Variants in CLIC5 observed in about 807,000 individuals in gnomAD.
CLIC5 encodes the protein CLIC family member 5.
Under a neutral mutation model 24.7 loss-of-function variants are expected in CLIC5, and 20 were observed. The ratio of observed to expected loss-of-function variants is 0.81; its 90% CI spans 0.57 to 1.18. CLIC5 has a LOEUF of 1.18. Among genes scored for constraint, CLIC5 ranks in the 50% most tolerant of loss-of-function variants. The pLI is 0.00. For missense variants in CLIC5, 341 were observed against 326.1 expected (o/e 1.05, Z -0.35); for synonymous variants, 159 against 135.6 (o/e 1.17, Z -1.20).
chr6:45,955,235 C>T lies in CLIC5; in HGVS notation c.73G>A (p.Asp25Asn), dbSNP rs145250435. The change falls in exon 2 of 6, where the codon GAT becomes AAT. Residue 25 changes from aspartate (D) to asparagine (N), a missense_variant. By Grantham distance (23) the Asp-to-Asn change is conservative (BLOSUM62 1). Coordinates refer to ENST00000339561, the MANE Select transcript of CLIC5 (RefSeq NM_016929.5). Reference protein sequence around the residue: ...EIELFVKAGIDGESIGNCPFS... With the variant: ...EIELFVKAGINGESIGNCPFS... The stretch of plus-strand genomic sequence containing the variant: ...GGACAGTTGCCGATGCTTTCTCCAT[C>T]GATTCCAGCCTGGAAAGAAGAGAAC... The T allele has an allele frequency of 4.7e-4, 766 of 1,613,296 alleles. 2 individuals carry two copies. Among genetic ancestry groups the T allele is most frequent in the Admixed American group, 7.0e-4 (42 of 59,980 alleles).
chr6:45,895,185 G>GA (rs371753500), downstream of CLIC5, among the ~76,000 whole-genome samples: 1 of 152,002 alleles, frequency 6.6e-6, no homozygotes, highest in Non-Finnish European at 1.5e-5. Flanking sequence ...CCTATATGCG[G>GA]AAAAAAGATG....
intron 1 of CLIC5, among the ~76,000 whole-genome samples, chr6:45,956,849 T>A (rs1764662276): frequency 6.6e-6 from 1 of 152,138 alleles, no homozygotes; most frequent in South Asian, 2.1e-4. Flanking sequence ...TTATATAAAA[T>A]GGGAAAGGTA....
chr6:46,125,553 T>G, the CLIC5 span, among the ~76,000 whole-genome samples: 2 of 152,162 alleles, frequency 1.3e-5, no homozygotes, highest in Non-Finnish European at 2.9e-5. Flanking sequence ...TGTGCACATG[T>G]ACCTTAGAAC....
At chr6:46,053,235 C>T (rs78327404) in intron 1 of CLIC5, among the ~76,000 whole-genome samples, 6,439 of 152,182 alleles carry the variant, frequency 0.042, 197 homozygotes, top group Non-Finnish European at 0.069. Context: ...CGTGACAGAC[C>T]GCAAACAGGC....
At chr6:46,112,217 T>A in the CLIC5 span, among the ~76,000 whole-genome samples, 4 of 152,216 alleles carry the variant, frequency 2.6e-5, no homozygotes, top group Non-Finnish European at 5.9e-5. Context: ...CAGTAGATAA[T>A]CTGCATAGAT....
intron 4 of CLIC5, among the ~76,000 whole-genome samples, chr6:45,922,656 A>G (rs1425692561): frequency 6.6e-6 from 1 of 152,234 alleles, no homozygotes; most frequent in Non-Finnish European, 1.5e-5. Context: ...TAGGGACTCC[A>G]GATCCAAATA....
At chr6:45,962,258 C>G (rs1764871279) in intron 1 of CLIC5, among the ~76,000 whole-genome samples, 1 of 151,178 alleles carries the variant, frequency 6.6e-6, no homozygotes, top group South Asian at 2.1e-4. Context: ...TTTTAAGGAA[C>G]TGGCTCACAC....
intron 3 of CLIC5, among the ~76,000 whole-genome samples, chr6:45,948,674 G>C (rs1312348997): frequency 2.6e-5 from 4 of 152,122 alleles, no homozygotes; most frequent in African/African-American, 9.7e-5. Flanking sequence ...TTTTCCATCA[G>C]TAGCAATGTG....
At chr6:45,958,371 T>C (rs977370668) in intron 1 of CLIC5, among the ~76,000 whole-genome samples, 1 of 146,746 alleles carries the variant, frequency 6.8e-6, no homozygotes, top group South Asian at 2.2e-4. Context: ...CTATACTATG[T>C]ATAGCAATTT....
the CLIC5 span, among the ~76,000 whole-genome samples, chr6:46,119,898 C>A: frequency 2.0e-5 from 3 of 152,188 alleles, no homozygotes; most frequent in Non-Finnish European, 4.4e-5. Context: ...GGGTGCCCAC[C>A]ACTGTGAGGC....
At chr6:46,124,884 C>G in the CLIC5 span, among the ~76,000 whole-genome samples, 23 of 152,328 alleles carry the variant, frequency 1.5e-4, no homozygotes, top group East Asian at 4.2e-3. Context: ...GAGATGTCAT[C>G]TCACACCAGT....
intron 6 of CLIC5, among the ~76,000 whole-genome samples, chr6:45,890,134 T>C (rs1231122830): frequency 1.3e-5 from 2 of 152,226 alleles, no homozygotes; most frequent in Non-Finnish European, 2.9e-5. Flanking sequence ...TTTTGGATAT[T>C]AGTCCTTTAT....
At chr6:46,117,735 C>T in the CLIC5 span, among the ~76,000 whole-genome samples, 4 of 152,062 alleles carry the variant, frequency 2.6e-5, no homozygotes, top group African/African-American at 9.7e-5. Flanking sequence ...GAAATTAAGT[C>T]CAGAGGTGAG....
chr6:46,093,542 G>A, the CLIC5 span, among the ~76,000 whole-genome samples: 2 of 152,018 alleles, frequency 1.3e-5, no homozygotes, highest in African/African-American at 2.4e-5. Flanking sequence ...ATGTAACAGA[G>A]GAAAAGCAAA....
the CLIC5 span, among the ~76,000 whole-genome samples, chr6:46,109,476 G>A: frequency 1.6e-5 from 2 of 123,872 alleles, no homozygotes; most frequent in Non-Finnish European, 3.1e-5. Flanking sequence ...TCAAGAGATC[G>A]AGACCATCCT....
At chr6:45,951,919 C>A (rs1437136731) in intron 2 of CLIC5, among the ~76,000 whole-genome samples, 1 of 152,214 alleles carries the variant, frequency 6.6e-6, no homozygotes, top group Non-Finnish European at 1.5e-5. Context: ...CATTCTGAGG[C>A]ACTTGGAACT....
chr6:46,063,455 G>T (rs1762350847), intron 1 of CLIC5, among the ~76,000 whole-genome samples: 1 of 152,216 alleles, frequency 6.6e-6, no homozygotes, highest in Non-Finnish European at 1.5e-5. Context: ...CAGTCTCTCT[G>T]AGTTGAGCAG....
intron 1 of CLIC5, among the ~76,000 whole-genome samples, chr6:46,031,732 A>G (rs1052870246): frequency 6.6e-5 from 10 of 151,976 alleles, no homozygotes; most frequent in African/African-American, 2.4e-4. Flanking sequence ...GTGCATCCAT[A>G]TAAGAAAGGA....
intron 5 of CLIC5, among the ~76,000 whole-genome samples, chr6:45,905,125 G>C (rs1434378346): frequency 6.6e-6 from 1 of 152,184 alleles, no homozygotes; most frequent in African/African-American, 2.4e-5. Flanking sequence ...TCAGTACACT[G>C]TTGATGGGCA....
Sources: gnomAD v4.1 joint callset for allele counts (sites outside exome capture counted in the v4.1 genomes callset) on GRCh38, gnomAD v4.1.1 for gene constraint, MANE v1.5 for transcripts, NCBI Gene and HGNC (gene_info 2026-07-23, HGNC 2026-07-21) for gene names.